POLR3B: variants seen among roughly 807,000 people sequenced by gnomAD.
POLR3B encodes the protein DNA-directed RNA polymerase III subunit RPC2.
In POLR3B, 96 loss-of-function variants were observed where a neutral mutation model predicts 147.4. The observed-to-expected ratio is 0.65, with a 90% CI of 0.55 to 0.77. The LOEUF is 0.77. Among genes scored for constraint, POLR3B ranks in the 30% least tolerant of loss-of-function variants. POLR3B has a pLI of 0.00. For synonymous variants in POLR3B, 461 were observed against 485.9 expected (o/e 0.95, Z 0.67); for missense variants, 1,036 against 1,413.5 (o/e 0.73, Z 4.28).
intron 9 of POLR3B, among the ~76,000 whole-genome samples, chr12:106,389,220 G>A (rs528415510): frequency 7.2e-5 from 11 of 152,248 alleles, no homozygotes; most frequent in African/African-American, 2.6e-4. Flanking sequence ...AAGTCAGTTC[G>A]GTCTTTGCAG....
At chr12:106,369,418 C>T in intron 5 of POLR3B, 68 bp downstream of exon 5, 1 of 1,008,954 alleles carries the variant, frequency 9.9e-7, no homozygotes. Context: ...AATATATACT[C>T]TTAAAAGATC....
At chr12:106,426,313 G>A (rs147010157) in intron 12 of POLR3B, among the ~76,000 whole-genome samples, 18 of 151,222 alleles carry the variant, frequency 1.2e-4, no homozygotes, top group Admixed American at 2.6e-4. Flanking sequence ...GTGTAGTGGC[G>A]CAATCTCGGC....
chr12:106,474,678 G>A (rs2038140002), intron 23 of POLR3B, among the ~76,000 whole-genome samples: 1 of 136,266 alleles, frequency 7.3e-6, no homozygotes, highest in Non-Finnish European at 1.6e-5. Flanking sequence ...ATTCTCTGAT[G>A]GTAGTTTGTA....
intron 10 of POLR3B, among the ~76,000 whole-genome samples, chr12:106,394,784 A>G (rs976865564): frequency 6.6e-6 from 1 of 152,170 alleles, no homozygotes; most frequent in Non-Finnish European, 1.5e-5. Flanking sequence ...AGAAAGACAA[A>G]TGTTCCTTTT....
At chr12:106,414,756 T>G (rs541273148) in intron 12 of POLR3B, among the ~76,000 whole-genome samples, 114 of 152,320 alleles carry the variant, frequency 7.5e-4, no homozygotes, top group Middle Eastern at 3.4e-3. Context: ...CACAGTAGAC[T>G]TGAAGCTTCA....
intron 12 of POLR3B, among the ~76,000 whole-genome samples, chr12:106,421,252 T>C (rs1464316827): frequency 6.6e-6 from 1 of 151,986 alleles, no homozygotes; most frequent in East Asian, 1.9e-4. Flanking sequence ...ACAACAACAC[T>C]GGCATTCTTA....
rs1565874382 is a variant in POLR3B, at chr12:106,369,647, G to T, written c.368G>T (p.Ser123Ile). The change falls in exon 6 of 28, where the codon AGC (serine) becomes ATC (isoleucine). Residue 123 changes from serine to isoleucine, a missense_variant. By Grantham distance (142) the Ser-to-Ile change is moderately radical (BLOSUM62 -2). Coordinates refer to ENST00000228347, the MANE Select transcript of POLR3B (RefSeq NM_018082.6). ...GTGGATATTGAATATACCCGAGGCA[G>T]CCAGAGGATCATCCGCAATGCCTTA... ...ITVDIEYTRG[S>I]QRIIRNALPI... The T allele has an allele frequency of 6.2e-7, 1 of 1,613,146 alleles. No individual in the cohort carries two copies. Among genetic ancestry groups the T allele is most frequent in the Non-Finnish European group, 8.5e-7 (1 of 1,179,174 alleles).
chr12:106,366,627 G>T, intron 3 of POLR3B, 31 bp from the exon 4 acceptor site: 1 of 1,607,064 alleles, frequency 6.2e-7, no homozygotes. Context: ...GGAAGCCAGA[G>T]TCTTTGCTAA....
intron 22 of POLR3B, among the ~76,000 whole-genome samples, chr12:106,462,077 C>T (rs2037945260): frequency 2.6e-5 from 4 of 152,152 alleles, no homozygotes; most frequent in Admixed American, 2.6e-4. Flanking sequence ...CCTTTACCTG[C>T]CACACACACC....
intron 11 of POLR3B, among the ~76,000 whole-genome samples, chr12:106,407,875 A>G (rs975182101): frequency 2.6e-5 from 4 of 152,192 alleles, no homozygotes; most frequent in Non-Finnish European, 5.9e-5. Flanking sequence ...CATGGAACCT[A>G]AATTACCATT....
chr12:106,415,496 G>A (rs1420606207), intron 12 of POLR3B, among the ~76,000 whole-genome samples: 1 of 152,134 alleles, frequency 6.6e-6, no homozygotes, highest in East Asian at 1.9e-4. Flanking sequence ...GGTAACTTAG[G>A]GATATGGGTG....
chr12:106,498,723 C>A (rs1194572001), intron 25 of POLR3B, among the ~76,000 whole-genome samples: 1 of 152,092 alleles, frequency 6.6e-6, no homozygotes, highest in Non-Finnish European at 1.5e-5. Context: ...GTAGTTGGGA[C>A]TACAGGCACA....
chr12:106,402,541 C>T (rs568545925), intron 10 of POLR3B, among the ~76,000 whole-genome samples: 208 of 152,306 alleles, frequency 1.4e-3, no homozygotes, highest in African/African-American at 4.5e-3. Context: ...GGAGGCATCA[C>T]GCTACCTGAC....
At chr12:106,507,853 C>A (rs1375461170) in intron 27 of POLR3B, 1 of 454,912 alleles carries the variant, frequency 2.2e-6, no homozygotes, top group Admixed American at 2.4e-5. Context: ...CAAAAATGAT[C>A]CCTGCTCATT....
intron 10 of POLR3B, among the ~76,000 whole-genome samples, chr12:106,402,068 G>A (rs1307322323): frequency 2.6e-4 from 39 of 151,774 alleles, no homozygotes; most frequent in East Asian, 7.7e-4. Flanking sequence ...AAACCCCATC[G>A]TCTCAGCCCA....
chr12:106,489,080 C>T (rs1038911544), intron 23 of POLR3B, among the ~76,000 whole-genome samples: 1 of 152,138 alleles, frequency 6.6e-6, no homozygotes, highest in African/African-American at 2.4e-5. Context: ...GGATTAGCAC[C>T]TCCAACAAAG....
At chr12:106,421,138 C>T (rs1432343717) in intron 12 of POLR3B, among the ~76,000 whole-genome samples, 2 of 151,388 alleles carry the variant, frequency 1.3e-5, no homozygotes, top group African/African-American at 2.4e-5. Flanking sequence ...TTTCTGTTTT[C>T]CATTGTGTCA....
chr12:106,432,571 G>A lies in POLR3B; in HGVS notation c.1627+91G>A, dbSNP rs567010392. Reference sequence around the variant, plus strand: ...TATCCTGGTATTTAAAGCACAGATAGACTTTAATTCTGGGCCCAGGTTGAC... The same window carrying A: ...TATCCTGGTATTTAAAGCACAGATAAACTTTAATTCTGGGCCCAGGTTGAC... On this transcript the variant is annotated intron_variant, in intron 15 of 27. Transcript: ENST00000228347. 74 of 1,078,382 alleles carry A rather than the reference G, an allele frequency of 6.9e-5. No homozygotes were observed. In the African/African-American group the frequency reaches 1.1e-3, roughly 16 times the overall value. 66.8% of individuals were successfully genotyped at this position (1,078,382 alleles called of 1,614,324 possible). A position where few individuals can be genotyped will look rare whatever the true frequency, so the allele number is the denominator to read the frequency against.
intron 18 of POLR3B, among the ~76,000 whole-genome samples, chr12:106,438,945 A>G (rs2037614738): frequency 6.6e-6 from 1 of 152,254 alleles, no homozygotes; most frequent in African/African-American, 2.4e-5. Flanking sequence ...AGAGTACATT[A>G]AAGAACATCT....
Sources: allele counts gnomAD v4.1 joint callset (sites outside exome capture counted in the v4.1 genomes callset), GRCh38; gene constraint gnomAD v4.1.1; transcripts MANE v1.5; gene names NCBI Gene and HGNC (gene_info 2026-07-23, HGNC 2026-07-21).